Variants in STK32A observed in about 807,000 individuals in gnomAD.
STK32A encodes serine/threonine kinase 32A, also known as serine/threonine-protein kinase 32A.
Under a neutral mutation model 53.2 loss-of-function variants are expected in STK32A, and 41 were observed. The observed-to-expected ratio is 0.77, with a 90% CI of 0.60 to 1.00. The LOEUF (loss-of-function observed/expected upper bound fraction) is 1.00, where lower values mean the gene tolerates loss of function less well. Ranked by LOEUF, STK32A falls within the 50% of genes least tolerant of loss-of-function variation. The pLI, the probability that STK32A is intolerant of heterozygous loss-of-function variation, is 0.00. For synonymous variants in STK32A, 166 were observed against 162.8 expected (o/e 1.02, Z -0.15); for missense variants, 458 against 485.8 (o/e 0.94, Z 0.54).
intron 7 of STK32A, among the ~76,000 whole-genome samples, chr5:147,357,429 T>C (rs12332528): frequency 0.2 from 30,915 of 152,068 alleles, 3,698 homozygotes; most frequent in African/African-American, 0.33. Flanking sequence ...ATTAAGGTGT[T>C]AATACTTTTA....
chr5:147,248,923 A>G (rs1753864586), intron 2 of STK32A, among the ~76,000 whole-genome samples: 1 of 146,584 alleles, frequency 6.8e-6, no homozygotes, highest in South Asian at 2.1e-4. Context: ...ATGATGAAGT[A>G]ATTTTTTTTT....
At chr5:147,293,683 C>T (rs973378287) in intron 4 of STK32A, among the ~76,000 whole-genome samples, 4 of 151,946 alleles carry the variant, frequency 2.6e-5, no homozygotes, top group Admixed American at 6.5e-5. Flanking sequence ...AAGGAGACTG[C>T]GTTCCCAATC....
At chr5:147,350,097 G>A (rs528324977) in intron 6 of STK32A, among the ~76,000 whole-genome samples, 2 of 150,506 alleles carry the variant, frequency 1.3e-5, no homozygotes, top group African/African-American at 2.4e-5. Flanking sequence ...GCAACAGAGT[G>A]AGACTCCACT....
chr5:147,275,433 C>T (rs945130925), intron 2 of STK32A, among the ~76,000 whole-genome samples: 12 of 151,960 alleles, frequency 7.9e-5, no homozygotes, highest in African/African-American at 2.9e-4. Flanking sequence ...GTTCAAGTTC[C>T]CCCTGCCTCA....
At chr5:147,401,924 G>A in the STK32A span, 2 of 422,828 alleles carry the variant, frequency 4.7e-6, no homozygotes, top group Non-Finnish European at 8.1e-6. Flanking sequence ...GTTAGATGCA[G>A]TGTTAATTCT....
intron 2 of STK32A, among the ~76,000 whole-genome samples, chr5:147,277,139 C>A (rs1458602177): frequency 6.6e-6 from 1 of 152,114 alleles, no homozygotes; most frequent in Non-Finnish European, 1.5e-5. Flanking sequence ...AAAACTAGTT[C>A]TTTTAAAGAG....
At chr5:147,316,799 G>C (rs1754010258) in intron 4 of STK32A, among the ~76,000 whole-genome samples, 1 of 124,266 alleles carries the variant, frequency 8.0e-6, no homozygotes. Context: ...AGGCTGCAGT[G>C]AACTATGATG....
At chr5:147,367,924 T>A (rs1174852552) in intron 8 of STK32A, among the ~76,000 whole-genome samples, 1 of 152,210 alleles carries the variant, frequency 6.6e-6, no homozygotes, top group Non-Finnish European at 1.5e-5. Flanking sequence ...GAAGTAACAT[T>A]TAATTACAAG....
At chr5:147,239,494 A>C in intron 1 of STK32A, 45 bp from the exon 2 acceptor site, 1 of 623,428 alleles carries the variant, frequency 1.6e-6, no homozygotes, top group Non-Finnish European at 2.8e-6. Context: ...CAGGGTGCCT[A>C]GAGTATAGCA....
At position 147,384,803 on chromosome 5, in the gene STK32A, T is replaced by C. The variant is rs1757587945; in HGVS notation, c.*820T>C. ...TCCTCTGAAGATTAGCAGAGACCTG[T>C]ATCTGGAGAGGATCAGAAAAGAATG... On this transcript the variant is annotated 3_prime_UTR_variant, in exon 13 of 13. Transcript: ENST00000397936. 2.1e-5 allele frequency: 4 copies of C among 191,840 alleles called. No individual in the cohort carries two copies. Among genetic ancestry groups the C allele is most frequent in the Non-Finnish European group, 4.2e-5 (4 of 94,714 alleles). 11.9% of individuals were successfully genotyped at this position (191,840 alleles called of 1,614,324 possible).
intron 7 of STK32A, among the ~76,000 whole-genome samples, chr5:147,351,846 AAAAC>A (rs554914252): frequency 4.8e-4 from 73 of 152,208 alleles, no homozygotes; most frequent in South Asian, 2.5e-3. Flanking sequence ...ATTTCGTCTC[AAAAC>A]AAACAAACAA....
At position 147,351,112 on chromosome 5, in the gene STK32A, G is replaced by A; in HGVS notation, c.520G>A (p.Glu174Lys). 6.2e-7 allele frequency: 1 copy of A among 1,613,978 alleles called. No individual in the cohort carries two copies. The highest frequency in any genetic ancestry group is 8.5e-7 in the Non-Finnish European group (1 of 1,179,886). Residue 174 changes from glutamate to lysine, a missense_variant, in exon 7 of 13, where the codon GAG becomes AAG. Coordinates refer to ENST00000397936, the MANE Select transcript of STK32A (RefSeq NM_001112724.2). ...DFNIAAMLPR[E>K]TQITTMAGTK... ...CAACATTGCTGCGATGCTGCCCAGG[G>A]AGACACAGATTACCACCATGGCTGG...
chr5:147,255,010 G>A (rs2151943967), intron 2 of STK32A, among the ~76,000 whole-genome samples: 1 of 152,198 alleles, frequency 6.6e-6, no homozygotes, highest in Middle Eastern at 3.4e-3. Flanking sequence ...CGTGGTGGCA[G>A]GCACCTGTAG....
chr5:147,366,032 TACACAC>T (rs61026081), intron 8 of STK32A, among the ~76,000 whole-genome samples: 1 of 149,390 alleles, frequency 6.7e-6, no homozygotes, highest in East Asian at 2.0e-4. Context: ...TCCCCAGTGC[TACACAC>T]ACACACACAC....
intron 4 of STK32A, among the ~76,000 whole-genome samples, chr5:147,300,432 A>G (rs1239862050): frequency 6.6e-6 from 1 of 152,212 alleles, no homozygotes; most frequent in Non-Finnish European, 1.5e-5. Flanking sequence ...ATTGTCTTTC[A>G]TATCCCACAA....
At chr5:147,394,150 G>GA in the STK32A span, 1 of 1,606,518 alleles carries the variant, frequency 6.2e-7, no homozygotes, top group Admixed American at 1.7e-5. Context: ...ATTCCCAGGG[G>GA]GAAAAAAAAA....
chr5:147,297,468 T>A (rs1203562459), intron 4 of STK32A, among the ~76,000 whole-genome samples: 1 of 152,202 alleles, frequency 6.6e-6, no homozygotes, highest in Non-Finnish European at 1.5e-5. Context: ...AAGCAGAATC[T>A]TAGCTGGTAG....
At chr5:147,307,624 C>CAAAAAAAAAAAA (rs34762967) in intron 4 of STK32A, among the ~76,000 whole-genome samples, 2 of 75,294 alleles carry the variant, frequency 2.7e-5, no homozygotes, top group African/African-American at 5.3e-5. Flanking sequence ...GACGCTGTCT[C>CAAAAAAAAAAAA]AAAAAAAAAA....
At chr5:147,272,959 T>C (rs1390421002) in intron 2 of STK32A, among the ~76,000 whole-genome samples, 1 of 152,222 alleles carries the variant, frequency 6.6e-6, no homozygotes, top group Non-Finnish European at 1.5e-5. Flanking sequence ...CTTATGTTCA[T>C]GATTTGGTAC....
Sources: allele counts gnomAD v4.1 joint callset (sites outside exome capture counted in the v4.1 genomes callset), GRCh38; gene constraint gnomAD v4.1.1; transcripts MANE v1.5; gene names NCBI Gene and HGNC (gene_info 2026-07-23, HGNC 2026-07-21).